ASPRV1: variants seen among roughly 807,000 people sequenced by gnomAD.
ASPRV1 encodes retroviral-like aspartic protease 1.
ASPRV1 carries 7 observed loss-of-function variants against 11.0 expected under a neutral mutation model. That is an observed-to-expected ratio of 0.64 (90% confidence interval 0.36 to 1.20). The LOEUF (loss-of-function observed/expected upper bound fraction) is 1.20. ASPRV1 is among the 50% of genes most tolerant of loss of function. The pLI is 0.02. For synonymous variants in ASPRV1, 136 were observed against 138.4 expected (o/e 0.98, Z 0.12); for missense variants, 299 against 320.0 (o/e 0.93, Z 0.50).
At chr2:70,072,673 T>C in the ASPRV1 span, among the ~76,000 whole-genome samples, 8 of 151,240 alleles carry the variant, frequency 5.3e-5, no homozygotes, top group Non-Finnish European at 1.0e-4. Context: ...AGTAAGCCAA[T>C]ATTGTGCCAC....
At chr2:70,046,649 G>A in the ASPRV1 span, 1 of 152,168 alleles carries the variant, frequency 6.6e-6, no homozygotes, top group Non-Finnish European at 1.5e-5. Context: ...TGGGGTCTGA[G>A]AAGCCAAACA....
chr2:70,005,921 G>A, the ASPRV1 span, among the ~76,000 whole-genome samples: 2 of 152,198 alleles, frequency 1.3e-5, no homozygotes, highest in Admixed American at 1.3e-4. Flanking sequence ...CAGGAGCCAT[G>A]GGGGAGAGCC....
chr2:69,965,937 G>A (rs1031857533), upstream of ASPRV1, among the ~76,000 whole-genome samples: 1 of 152,204 alleles, frequency 6.6e-6, no homozygotes, highest in Non-Finnish European at 1.5e-5. Context: ...TCCAGAACCT[G>A]TTCTTCCCAT....
chr2:69,958,176 C>T (rs867954645), downstream of ASPRV1, among the ~76,000 whole-genome samples: 5 of 152,212 alleles, frequency 3.3e-5, no homozygotes, highest in East Asian at 3.8e-4. Flanking sequence ...TCCACGTTGA[C>T]GCATCTGCAG....
chr2:69,977,210 A>T, the ASPRV1 span, among the ~76,000 whole-genome samples: 1 of 152,140 alleles, frequency 6.6e-6, no homozygotes, highest in African/African-American at 2.4e-5. Flanking sequence ...AAAATTGGGC[A>T]AAAATGTAGA....
chr2:70,068,333 G>A, the ASPRV1 span, among the ~76,000 whole-genome samples: 1 of 152,216 alleles, frequency 6.6e-6, no homozygotes, highest in Non-Finnish European at 1.5e-5. Flanking sequence ...GCAAAGTCAG[G>A]GGTGAAGTGG....
chr2:69,968,808 G>A, the ASPRV1 span, among the ~76,000 whole-genome samples: 5 of 152,280 alleles, frequency 3.3e-5, no homozygotes, highest in East Asian at 5.8e-4. Flanking sequence ...AAGCAGTCCC[G>A]ACTGTGGCTC....
the ASPRV1 span, among the ~76,000 whole-genome samples, chr2:69,991,137 C>G: frequency 6.6e-6 from 1 of 152,206 alleles, no homozygotes; most frequent in African/African-American, 2.4e-5. Context: ...CCCCACACCC[C>G]CTTCCTCTTG....
chr2:70,058,836 A>T, the ASPRV1 span, among the ~76,000 whole-genome samples: 1 of 151,182 alleles, frequency 6.6e-6, no homozygotes, highest in South Asian at 2.1e-4. Flanking sequence ...TACTGGCAGA[A>T]ATTACGCACC....
the ASPRV1 span, among the ~76,000 whole-genome samples, chr2:70,068,850 C>G: frequency 6.9e-6 from 1 of 144,134 alleles, no homozygotes; most frequent in African/African-American, 2.6e-5. Context: ...GAGGTTGAGG[C>G]AGGAGAATCA....
chr2:70,006,193 T>C, the ASPRV1 span, among the ~76,000 whole-genome samples: 492 of 152,298 alleles, frequency 3.2e-3, 1 homozygote, highest in African/African-American at 0.011. Context: ...TGTCCTGTGC[T>C]GGGGCTGGGG....
the ASPRV1 span, among the ~76,000 whole-genome samples, chr2:70,000,788 CAAAAAAAAAAAAAAA>C: frequency 2.4e-5 from 1 of 42,048 alleles, no homozygotes; most frequent in Admixed American, 4.1e-4. Context: ...GACCCTGCCT[CAAAAAAAAAAAAAAA>C]AAAAAAAAAA....
At chr2:69,956,807 C>T (rs1480201443), downstream of ASPRV1, among the ~76,000 whole-genome samples, 3 of 152,180 alleles carry the variant, frequency 2.0e-5, no homozygotes, top group Admixed American at 6.5e-5. Context: ...CCTCCTGATA[C>T]GATGTACTGA....
the ASPRV1 span, among the ~76,000 whole-genome samples, chr2:70,007,222 C>T: frequency 6.6e-6 from 1 of 152,114 alleles, no homozygotes; most frequent in East Asian, 1.9e-4. Context: ...TGAAGTAGAA[C>T]GCTATCTACT....
chr2:70,006,111 C>A, the ASPRV1 span, among the ~76,000 whole-genome samples: 1 of 152,172 alleles, frequency 6.6e-6, no homozygotes, highest in Non-Finnish European at 1.5e-5. Context: ...ATGCACATGC[C>A]CATGCCCATG....
chr2:70,010,781 G>A, the ASPRV1 span, among the ~76,000 whole-genome samples: 6 of 152,072 alleles, frequency 3.9e-5, no homozygotes, highest in Non-Finnish European at 7.4e-5. Context: ...AAACTTCTAG[G>A]GGTTCCCAAG....
At chr2:70,064,274 C>T in the ASPRV1 span, among the ~76,000 whole-genome samples, 1 of 152,178 alleles carries the variant, frequency 6.6e-6, no homozygotes, top group Non-Finnish European at 1.5e-5. Flanking sequence ...GCTTCCTAGA[C>T]CTCAGGTGCT....
chr2:70,063,273 A>G, the ASPRV1 span, among the ~76,000 whole-genome samples: 1 of 152,222 alleles, frequency 6.6e-6, no homozygotes, highest in Non-Finnish European at 1.5e-5. Flanking sequence ...GAGCCAGGTC[A>G]GAAACCTTGA....
downstream of ASPRV1, among the ~76,000 whole-genome samples, chr2:69,955,568 C>T (rs932282737): frequency 2.6e-5 from 4 of 152,122 alleles, no homozygotes; most frequent in Admixed American, 2.0e-4. Flanking sequence ...TATTTTAGAA[C>T]TGGGCAAATA....
Sources: allele counts gnomAD v4.1 joint callset (sites outside exome capture counted in the v4.1 genomes callset), GRCh38; gene constraint gnomAD v4.1.1; transcripts MANE v1.5; gene names NCBI Gene and HGNC (gene_info 2026-07-23, HGNC 2026-07-21).